Variants in SNTG1 observed in about 807,000 individuals in gnomAD.
The protein encoded by SNTG1 is gamma-1-syntrophin.
Under a neutral mutation model 74.7 loss-of-function variants are expected in SNTG1, and 39 were observed. The ratio of observed to expected loss-of-function variants is 0.52; its 90% CI spans 0.40 to 0.68. The LOEUF (loss-of-function observed/expected upper bound fraction) is 0.68. SNTG1 is among the 30% of genes least tolerant of loss of function. The pLI is 0.00. For synonymous variants in SNTG1, 254 were observed against 217.1 expected (o/e 1.17, Z -1.49); for missense variants, 685 against 609.5 (o/e 1.12, Z -1.30).
At chr8:50,724,683 C>T (rs993418198) in intron 17 of SNTG1, among the ~76,000 whole-genome samples, 1 of 152,052 alleles carries the variant, frequency 6.6e-6, no homozygotes, top group African/African-American at 2.4e-5. Context: ...ATGGCATGTT[C>T]ACCAAAATCA....
chr8:50,506,812 C>A (rs914504234), intron 9 of SNTG1, among the ~76,000 whole-genome samples: 5 of 151,908 alleles, frequency 3.3e-5, no homozygotes, highest in Non-Finnish European at 7.4e-5. Flanking sequence ...CTTAGTCTTG[C>A]CTAATTGCTT....
intron 13 of SNTG1, among the ~76,000 whole-genome samples, chr8:50,650,425 A>C (rs1281314125): frequency 3.3e-5 from 5 of 151,998 alleles, no homozygotes; most frequent in Admixed American, 6.6e-5. Context: ...CACATTGTTC[A>C]CTCATTCATG....
At chr8:50,617,378 T>TCACACACACACACA (rs3999830) in intron 13 of SNTG1, among the ~76,000 whole-genome samples, 29 of 146,946 alleles carry the variant, frequency 2.0e-4, no homozygotes, top group African/African-American at 7.2e-4. Flanking sequence ...AGTAAGCATT[T>TCACACACACACACA]CACACACACA....
At chr8:50,095,896 CA>C (rs1160446435) in intron 1 of SNTG1, among the ~76,000 whole-genome samples, 1 of 150,842 alleles carries the variant, frequency 6.6e-6, no homozygotes, top group Non-Finnish European at 1.5e-5. Context: ...TGTTGATAAA[CA>C]AAATACCTAA....
At chr8:50,750,574 A>G (rs1375553149) in intron 17 of SNTG1, among the ~76,000 whole-genome samples, 2 of 151,930 alleles carry the variant, frequency 1.3e-5, no homozygotes, top group African/African-American at 4.8e-5. Context: ...AGAAATTGTC[A>G]CAGCCACCCC....
chr8:49,933,511 T>G (rs1406209170), intron 1 of SNTG1, among the ~76,000 whole-genome samples: 1 of 152,216 alleles, frequency 6.6e-6, no homozygotes, highest in Non-Finnish European at 1.5e-5. Flanking sequence ...TATGCCATGT[T>G]GTAGAGGCCA....
intron 2 of SNTG1, among the ~76,000 whole-genome samples, chr8:50,338,422 G>GA (rs1200972298): frequency 6.6e-6 from 1 of 152,096 alleles, no homozygotes; most frequent in Non-Finnish European, 1.5e-5. Context: ...AGTGTGAAGA[G>GA]AAAAAACTAG....
chr8:50,392,771 A>G (rs2092679564), intron 2 of SNTG1, among the ~76,000 whole-genome samples: 1 of 152,184 alleles, frequency 6.6e-6, no homozygotes, highest in Non-Finnish European at 1.5e-5. Flanking sequence ...AAAATGGTAG[A>G]AAGTATAGAT....
chr8:50,616,816 G>A (rs2094888141), intron 13 of SNTG1, among the ~76,000 whole-genome samples: 1 of 152,134 alleles, frequency 6.6e-6, no homozygotes, highest in Non-Finnish European at 1.5e-5. Flanking sequence ...ACTCCGTAAG[G>A]CTTTAAATAC....
At chr8:49,968,843 T>A (rs1308772293) in intron 1 of SNTG1, among the ~76,000 whole-genome samples, 1 of 152,108 alleles carries the variant, frequency 6.6e-6, no homozygotes, top group Non-Finnish European at 1.5e-5. Flanking sequence ...GGCAGACACA[T>A]TCCGGATAGA....
chr8:50,565,555 T>C (rs1016521635), intron 12 of SNTG1, among the ~76,000 whole-genome samples: 1 of 152,058 alleles, frequency 6.6e-6, no homozygotes, highest in African/African-American at 2.4e-5. Context: ...TTAACAAACT[T>C]GTGAGATGCT....
chr8:50,383,500 C>A (rs1017156037), intron 2 of SNTG1, among the ~76,000 whole-genome samples: 5 of 152,120 alleles, frequency 3.3e-5, no homozygotes, highest in African/African-American at 4.8e-5. Flanking sequence ...AAGTTTATAA[C>A]AAAATGAGAA....
intron 13 of SNTG1, among the ~76,000 whole-genome samples, chr8:50,656,603 AT>A (rs1001620226): frequency 6.6e-6 from 1 of 152,134 alleles, no homozygotes; most frequent in Non-Finnish European, 1.5e-5. Context: ...ATAAATAAGT[AT>A]TTTTTTCTGT....
At chr8:50,126,968 C>T (rs1229627521) in intron 1 of SNTG1, among the ~76,000 whole-genome samples, 1 of 152,112 alleles carries the variant, frequency 6.6e-6, no homozygotes, top group Non-Finnish European at 1.5e-5. Flanking sequence ...ACATACATCA[C>T]AGTTATATCT....
chr8:50,205,362 A>G (rs2084173052), intron 2 of SNTG1, among the ~76,000 whole-genome samples: 1 of 152,164 alleles, frequency 6.6e-6, no homozygotes, highest in African/African-American at 2.4e-5. Flanking sequence ...GCTGCACAAA[A>G]TGTCTTCTTT....
At chr8:50,442,720 G>T in intron 5 of SNTG1, among the ~76,000 whole-genome samples, 1 of 131,122 alleles carries the variant, frequency 7.6e-6, no homozygotes. Flanking sequence ...AAGCTCTTCA[G>T]TTTACTTTTC....
At chr8:50,513,640 G>A (rs1251786539) in intron 9 of SNTG1, among the ~76,000 whole-genome samples, 2 of 152,228 alleles carry the variant, frequency 1.3e-5, no homozygotes, top group Admixed American at 6.5e-5. Flanking sequence ...CAGCCTCACT[G>A]CTGCCTTGCG....
At chr8:50,279,722 C>T (rs1274564647) in intron 2 of SNTG1, among the ~76,000 whole-genome samples, 1 of 152,052 alleles carries the variant, frequency 6.6e-6, no homozygotes, top group Non-Finnish European at 1.5e-5. Flanking sequence ...TACTATATTG[C>T]CAGAGTAGAT....
intron 2 of SNTG1, among the ~76,000 whole-genome samples, chr8:50,195,694 C>T (rs111563318): frequency 0.018 from 2,815 of 152,222 alleles, 76 homozygotes; most frequent in African/African-American, 0.058. Flanking sequence ...AAAGGTCTCC[C>T]GCAAACAGAC....
Sources: allele counts gnomAD v4.1 joint callset (sites outside exome capture counted in the v4.1 genomes callset), GRCh38; gene constraint gnomAD v4.1.1; transcripts MANE v1.5; gene names NCBI Gene and HGNC (gene_info 2026-07-23, HGNC 2026-07-21).